HES5: variants seen among roughly 807,000 people sequenced by gnomAD.
HES5 encodes the protein hes family bHLH transcription factor 5.
HES5 carries 12 observed loss-of-function variants against 9.6 expected under a neutral mutation model. That is an observed-to-expected ratio of 1.25 (90% confidence interval 0.80 to 2.03). HES5 has a LOEUF of 2.03. HES5 is among the 30% of genes most tolerant of loss of function. The pLI is 0.00. For synonymous variants in HES5, 131 were observed against 102.4 expected, an observed-to-expected ratio of 1.28 and a Z score of -1.69; for missense variants, 255 against 218.6, an observed-to-expected ratio of 1.17 and a Z score of -1.05.
Position 2,529,704 on chromosome 1 carries a change from C to T in HES5, c.266G>A (p.Ser89Asn). 7.7e-7 allele frequency: 1 copy of T among 1,293,978 alleles called. No individual in the cohort carries two copies. Among genetic ancestry groups the T allele is most frequent in the Non-Finnish European group, 9.9e-7 (1 of 1,007,762 alleles). 80.2% of individuals were successfully genotyped at this position (1,293,978 alleles called of 1,614,324 possible). ...AGPKSLHQDYSEGYSWCLQEA... is the reference protein window; with the variant it reads ...AGPKSLHQDYNEGYSWCLQEA... ...CTGCAGGCACCACGAGTAGCCTTCG[C>T]TGTAGTCCTGGTGCAGGCTCTTGGG... Residue 89 changes from serine to asparagine, a missense_variant, in exon 3 of 3, where the codon AGC becomes AAC. Transcript: ENST00000378453. The surrounding 1 kb of genome is among the most constrained non-coding windows in gnomAD (Gnocchi z 4.5).
At position 2,529,786 on chromosome 1, in the gene HES5, G is replaced by A. The variant is rs1643981455; in HGVS notation, c.221-37C>T. ...CGCGGCGGCGGTGAGCGGGCGGCGG[G>A]GCGCGGGGGAGCCGGGGCGCGGTGG... On this transcript the variant is annotated intron_variant, in intron 2 of 2. Coordinates refer to ENST00000378453, the MANE Select transcript of HES5 (RefSeq NM_001010926.4). The surrounding 1 kb of genome is among the most constrained non-coding windows in gnomAD (Gnocchi z 4.5). The A allele has an allele frequency of 7.9e-7, 1 of 1,264,244 alleles. No individual in the cohort carries two copies. The highest frequency in any genetic ancestry group is 1.0e-6 in the Non-Finnish European group (1 of 999,118). The allele number at this position is 1,264,244 out of a possible 1,614,324, so 78.3% of individuals were successfully genotyped here.
In HES5 at chr1:2,528,994, G is replaced by T. The variant is rs1486596209; in HGVS notation, c.*475C>A. On this transcript the variant is annotated 3_prime_UTR_variant, in exon 3 of 3. Transcript: ENST00000378453. ...CCTCAGGGTCCTGGACGCCCGTCCG[G>T]GGTGATCACTGTTTCCTATGAGGAT... 1 of 152,562 alleles carries T rather than the reference G, an allele frequency of 6.6e-6. No homozygotes were observed. The highest frequency in any genetic ancestry group is 1.5e-5 in the Non-Finnish European group (1 of 68,056). 9.5% of individuals were successfully genotyped at this position (152,562 alleles called of 1,614,324 possible). A position where few individuals can be genotyped will look rare whatever the true frequency, so the allele number is the denominator to read the frequency against.
chr1:2,529,271 C>T lies in HES5; in HGVS notation c.*198G>A, dbSNP rs911608281. The stretch of plus-strand genomic sequence containing the variant: ...TTGGCAGAAGATGGGCCCTGATTGT[C>T]CTAAAACGGCAGGGACTCTGCACAC... On this transcript the variant is annotated 3_prime_UTR_variant, in exon 3 of 3. Coordinates refer to ENST00000378453, the MANE Select transcript of HES5 (RefSeq NM_001010926.4). This position sits in a 1 kb window ranked among gnomAD's most constrained non-coding sequence, Gnocchi z 4.5. The T allele has an allele frequency of 3.1e-6, 1 of 320,908 alleles. No homozygotes were observed. The highest frequency in any genetic ancestry group is 2.2e-5 in the African/African-American group (1 of 44,586). The allele number at this position is 320,908 out of a possible 1,614,324, so 19.9% of individuals were successfully genotyped here.
At chr1:2,530,044 C>A in intron 1 of HES5, 33 bp from the exon 2 acceptor site, 1 of 1,602,418 alleles carries the variant, frequency 6.2e-7, no homozygotes, top group Admixed American at 1.7e-5. Flanking sequence ...GCTGGCCCGG[C>A]ACGGCGCAGG....
intron 1 of HES5, 49 bp downstream of exon 1, chr1:2,530,062 G>T: frequency 6.2e-7 from 1 of 1,600,666 alleles, no homozygotes; most frequent in Non-Finnish European, 8.5e-7. Flanking sequence ...AGGGACCCCC[G>T]AGGACCGGAG....
Position 2,529,363 on chromosome 1 carries a change from G to A in HES5, c.*106C>T, listed in dbSNP as rs1643974032. ...GGGCCAGAGCCTTCCGGAGAAGGGC[G>A]CGTCCAAGCCCGGGGCGGACGACGG... On this transcript the variant is annotated 3_prime_UTR_variant, in exon 3 of 3. Transcript: ENST00000378453. This position sits in a 1 kb window ranked among gnomAD's most constrained non-coding sequence, Gnocchi z 4.5. 3 of 965,706 alleles carry A rather than the reference G, an allele frequency of 3.1e-6. No individual in the cohort carries two copies. The South Asian group carries it at 1.4e-4, about 46-fold the overall frequency. 59.8% of individuals were successfully genotyped at this position (965,706 alleles called of 1,614,324 possible). A position where few individuals can be genotyped will look rare whatever the true frequency, so the allele number is the denominator to read the frequency against.
chr1:2,530,025 G>A lies in HES5; in HGVS notation c.55-14C>T, dbSNP rs758218427. The A allele has an allele frequency of 2.5e-6, 4 of 1,603,442 alleles. No homozygotes were observed. In the South Asian group the frequency reaches 3.3e-5, roughly 13 times the overall value. On this transcript the variant is annotated splice_polypyrimidine_tract_variant and intron_variant, in intron 1 of 2. Coordinates refer to ENST00000378453, the MANE Select transcript of HES5 (RefSeq NM_001010926.4). ...CGGCTTCCGCAGCTGCGGGAGGAGG[G>A]GGTGTCAGGCTGGCCCGGCACGGCG...
rs374914285 is a variant in HES5, at chr1:2,530,016, G to A, written c.55-5C>T. ...CTCCACCACCGGCTTCCGCAGCTGCGGGAGGAGGGGGTGTCAGGCTGGCCC... is the reference window on the plus strand; with the variant it reads ...CTCCACCACCGGCTTCCGCAGCTGCAGGAGGAGGGGGTGTCAGGCTGGCCC... On this transcript the variant is annotated splice_region_variant and splice_polypyrimidine_tract_variant and intron_variant, in intron 1 of 2. Coordinates refer to ENST00000378453, the MANE Select transcript of HES5 (RefSeq NM_001010926.4). The A allele has an allele frequency of 1.2e-6, 2 of 1,603,598 alleles. No individual in the cohort carries two copies. The highest frequency in any genetic ancestry group is 1.1e-5 in the South Asian group (1 of 90,414).
chr1:2,529,641 T>A lies in HES5; in HGVS notation c.329A>T (p.Asp110Val). 1 of 1,313,182 alleles carries A rather than the reference T, an allele frequency of 7.6e-7. No homozygotes were observed. The highest frequency in any genetic ancestry group is 9.9e-7 in the Non-Finnish European group (1 of 1,012,248). 81.3% of individuals were successfully genotyped at this position (1,313,182 alleles called of 1,614,324 possible). Residue 110 changes from aspartate to valine, a missense_variant, in exon 3 of 3, where the codon GAC becomes GTC. Asp to Val is a radical substitution (Grantham distance 152, BLOSUM62 -3). Coordinates refer to ENST00000378453, the MANE Select transcript of HES5 (RefSeq NM_001010926.4). This position sits in a 1 kb window ranked among gnomAD's most constrained non-coding sequence, Gnocchi z 4.5. ...VQFLTLHAAS[D>V]TQMKLLYHFQ... is the part of the protein sequence containing the mutation. Reference sequence around the variant, plus strand: ...GTGGTACAGCAGCTTCATCTGCGTGTCGCTGGCGGCGTGGAGCGTCAGGAA... The same window carrying A: ...GTGGTACAGCAGCTTCATCTGCGTGACGCTGGCGGCGTGGAGCGTCAGGAA...
chr1:2,529,591 C>T lies in HES5; in HGVS notation c.379G>A (p.Ala127Thr), dbSNP rs1643977939. Residue 127 changes from alanine (A) to threonine (T), a missense_variant, in exon 3 of 3, where the codon GCC becomes ACC. Ala to Thr is a moderately conservative substitution (Grantham distance 58). Coordinates refer to ENST00000378453, the MANE Select transcript of HES5 (RefSeq NM_001010926.4). This position sits in a 1 kb window ranked among gnomAD's most constrained non-coding sequence, Gnocchi z 4.5. ...GCCTTGGGCTCCTTGGCGGGCGCGG[C>T]GGGCGCGGCCGGGGGCCGCTGGAAG... Reference protein sequence around the residue: ...YHFQRPPAAPAAPAKEPKAPG... With the variant: ...YHFQRPPAAPTAPAKEPKAPG... 3 of 1,170,454 alleles carry T rather than the reference C, an allele frequency of 2.6e-6. No homozygotes were observed. The highest frequency in any genetic ancestry group is 3.2e-6 in the Non-Finnish European group (3 of 942,724). The allele number at this position is 1,170,454 out of a possible 1,614,324, so 72.5% of individuals were successfully genotyped here. A position where few individuals can be genotyped will look rare whatever the true frequency, so the allele number is the denominator to read the frequency against.
rs753373048 is a variant in HES5, at chr1:2,530,007, C to A, written c.59G>T (p.Arg20Leu). Residue 20 changes from arginine to leucine, a missense_variant, in exon 2 of 3, where the codon CGG (arginine) becomes CTG (leucine). Transcript: ENST00000378453. ...GCGCATCTTCTCCACCACCGGCTTCCGCAGCTGCGGGAGGAGGGGGTGTCA... is the reference window on the plus strand; with the variant it reads ...GCGCATCTTCTCCACCACCGGCTTCAGCAGCTGCGGGAGGAGGGGGTGTCA... ...LLSPKEKNRL[R>L]KPVVEKMRRD... The A allele has an allele frequency of 1.2e-6, 2 of 1,602,424 alleles. No homozygotes were observed. Among genetic ancestry groups the A allele is most frequent in the Non-Finnish European group, 1.7e-6 (2 of 1,173,356 alleles).
Position 2,529,750 on chromosome 1 carries a change from C to T in HES5, c.221-1G>A, listed in dbSNP as rs1643980672. On this transcript the variant is annotated splice_acceptor_variant, in intron 2 of 2. Coordinates refer to ENST00000378453, the MANE Select transcript of HES5 (RefSeq NM_001010926.4). LOFTEE classifies it high-confidence loss of function. The surrounding 1 kb of genome is among the most constrained non-coding windows in gnomAD (Gnocchi z 4.5). ...TTGGGGCCGGCGGCGGCGACGAAGG[C>T]TGCGGGGAGACGCGGCGGCGGTGAG... 1.6e-6 allele frequency: 2 copies of T among 1,244,214 alleles called. No homozygotes were observed. The highest frequency in any genetic ancestry group is 1.0e-6 in the Non-Finnish European group (1 of 987,122). The allele number at this position is 1,244,214 out of a possible 1,614,324, so 77.1% of individuals were successfully genotyped here. A position where few individuals can be genotyped will look rare whatever the true frequency, so the allele number is the denominator to read the frequency against.
Position 2,530,110 on chromosome 1 carries a change from C to T in HES5, c.54+1G>A. ...GCGCGCCGGGCGAGTCTGGTACTTA[C>T]TCGGTTTTTCTCTTTGGGGCTGAGC... is the stretch of plus-strand genomic sequence containing the variant. On this transcript the variant is annotated splice_donor_variant, in intron 1 of 2. Coordinates refer to ENST00000378453, the MANE Select transcript of HES5 (RefSeq NM_001010926.4). LOFTEE classifies it high-confidence loss of function. 1.3e-6 allele frequency: 2 copies of T among 1,573,338 alleles called. No homozygotes were observed. Among genetic ancestry groups the T allele is most frequent in the Non-Finnish European group, 1.7e-6 (2 of 1,160,076 alleles).
Position 2,529,650 on chromosome 1 carries a change from G to A in HES5, c.320C>T (p.Ala107Val). Residue 107 changes from alanine to valine, a missense_variant, in exon 3 of 3, where the codon GCC (alanine) becomes GTC (valine). Physicochemically the swap from Ala to Val is moderately conservative, Grantham distance 64. Coordinates refer to ENST00000378453, the MANE Select transcript of HES5 (RefSeq NM_001010926.4). This position sits in a 1 kb window ranked among gnomAD's most constrained non-coding sequence, Gnocchi z 4.5. ...QEAVQFLTLH[A>V]ASDTQMKLLY... is the part of the protein sequence containing the mutation. ...CAGCTTCATCTGCGTGTCGCTGGCG[G>A]CGTGGAGCGTCAGGAACTGCACGGC... The A allele has an allele frequency of 1.5e-6, 2 of 1,321,910 alleles. No homozygotes were observed. The highest frequency in any genetic ancestry group is 2.7e-5 in the Admixed American group (1 of 37,182). 81.9% of individuals were successfully genotyped at this position (1,321,910 alleles called of 1,614,324 possible).
In HES5 at chr1:2,528,821, T is replaced by C. The variant is rs962655714; in HGVS notation, c.*648A>G. ...GGCTTCCACGTGACTGAGAGTTCAA[T>C]TTCTGAGTACAAAGTCGTGCCCACA... On this transcript the variant is annotated 3_prime_UTR_variant, in exon 3 of 3. Transcript: ENST00000378453. 8 of 152,468 alleles carry C rather than the reference T, an allele frequency of 5.2e-5. No homozygotes were observed. The highest frequency in any genetic ancestry group is 1.2e-4 in the Non-Finnish European group (8 of 68,056). The allele number at this position is 152,468 out of a possible 1,614,324, so 9.4% of individuals were successfully genotyped here. A position where few individuals can be genotyped will look rare whatever the true frequency, so the allele number is the denominator to read the frequency against.
chr1:2,529,608 C>A lies in HES5; in HGVS notation c.362G>T (p.Arg121Leu). The A allele has an allele frequency of 8.1e-7, 1 of 1,237,598 alleles. No individual in the cohort carries two copies. Among genetic ancestry groups the A allele is most frequent in the Non-Finnish European group, 1.0e-6 (1 of 973,456 alleles). 76.7% of individuals were successfully genotyped at this position (1,237,598 alleles called of 1,614,324 possible). A position where few individuals can be genotyped will look rare whatever the true frequency, so the allele number is the denominator to read the frequency against. ...TQMKLLYHFQ[R>L]PPAAPAAPAK... is the part of the protein sequence containing the mutation. Reference sequence around the variant, plus strand: ...GGGCGCGGCGGGCGCGGCCGGGGGCCGCTGGAAGTGGTACAGCAGCTTCAT... The same window carrying A: ...GGGCGCGGCGGGCGCGGCCGGGGGCAGCTGGAAGTGGTACAGCAGCTTCAT... Residue 121 changes from arginine (R) to leucine (L), a missense_variant, in exon 3 of 3, where the codon CGG (arginine) becomes CTG (leucine). By Grantham distance (102) the Arg-to-Leu change is moderately radical. Transcript: ENST00000378453. This position sits in a 1 kb window ranked among gnomAD's most constrained non-coding sequence, Gnocchi z 4.5.
chr1:2,529,344 G>C lies in HES5; in HGVS notation c.*125C>G. 1 of 927,088 alleles carries C rather than the reference G, an allele frequency of 1.1e-6. No individual in the cohort carries two copies. Among genetic ancestry groups the C allele is most frequent in the Non-Finnish European group, 1.3e-6 (1 of 775,232 alleles). The allele number at this position is 927,088 out of a possible 1,614,324, so 57.4% of individuals were successfully genotyped here. On this transcript the variant is annotated 3_prime_UTR_variant, in exon 3 of 3. Transcript: ENST00000378453. The surrounding 1 kb of genome is among the most constrained non-coding windows in gnomAD (Gnocchi z 4.5). ...CTGCGGGCCGGCCAGCTTGGGGCCA[G>C]AGCCTTCCGGAGAAGGGCGCGTCCA...
chr1:2,529,843 C>T lies in HES5; in HGVS notation c.220+3G>A, dbSNP rs768069078. ...GGGGCGCGGGGGGCCCGGGCGCGCTCACCTTTGCTGTGCTTCAGGTAGCTG... is the reference window on the plus strand; with the variant it reads ...GGGGCGCGGGGGGCCCGGGCGCGCTTACCTTTGCTGTGCTTCAGGTAGCTG... On this transcript the variant is annotated splice_donor_region_variant and intron_variant, in intron 2 of 2. Transcript: ENST00000378453. The surrounding 1 kb of genome is among the most constrained non-coding windows in gnomAD (Gnocchi z 4.5). 1.3e-6 allele frequency: 2 copies of T among 1,491,188 alleles called. No homozygotes were observed. The highest frequency in any genetic ancestry group is 2.7e-5 in the South Asian group (2 of 75,090). The allele number at this position is 1,491,188 out of a possible 1,614,324, so 92.4% of individuals were successfully genotyped here. A position where few individuals can be genotyped will look rare whatever the true frequency, so the allele number is the denominator to read the frequency against.
At position 2,529,957 on chromosome 1, in the gene HES5, C is replaced by T. The variant is rs1200976594; in HGVS notation, c.109G>A (p.Glu37Lys). 1.2e-6 allele frequency: 2 copies of T among 1,609,820 alleles called. No homozygotes were observed. The highest frequency in any genetic ancestry group is 1.7e-6 in the Non-Finnish European group (2 of 1,178,378). The change falls in exon 2 of 3, where the codon GAG (glutamate) becomes AAG (lysine). Residue 37 changes from glutamate to lysine, a missense_variant. By Grantham distance (56) the Glu-to-Lys change is moderately conservative. Coordinates refer to ENST00000378453, the MANE Select transcript of HES5 (RefSeq NM_001010926.4). The surrounding 1 kb of genome is among the most constrained non-coding windows in gnomAD (Gnocchi z 4.5). Reference protein sequence around the residue: ...MRRDRINSSIEQLKLLLEQEF... With the variant: ...MRRDRINSSIKQLKLLLEQEF... Reference sequence around the variant, plus strand: ...TGCTCCAGCAGCAGCTTCAGCTGCTCGATGCTGCTGTTGATGCGGTCGCGG... The same window carrying T: ...TGCTCCAGCAGCAGCTTCAGCTGCTTGATGCTGCTGTTGATGCGGTCGCGG...
Sources: gnomAD v4.1 joint callset for allele counts on GRCh38, gnomAD v4.1.1 for gene constraint, Gnocchi (gnomAD v3.1) non-coding constraint, MANE v1.5 for transcripts, NCBI Gene and HGNC (gene_info 2026-07-23, HGNC 2026-07-21) for gene names.